HHLA2: variants seen among roughly 807,000 people sequenced by gnomAD.
The protein encoded by HHLA2 is HHLA2 member of B7 family.
HHLA2 carries 48 observed loss-of-function variants against 45.9 expected under a neutral mutation model. That is an observed-to-expected ratio of 1.05 (90% CI 0.83 to 1.33). The LOEUF (loss-of-function observed/expected upper bound fraction) is 1.33, where lower values mean the gene tolerates loss of function less well. Among genes scored for constraint, HHLA2 ranks in the 40% most tolerant of loss-of-function variants. HHLA2 has a pLI of 0.00. For missense variants in HHLA2, 462 were observed against 494.3 expected (o/e 0.93, Z 0.62); for synonymous variants, 161 against 173.9 (o/e 0.93, Z 0.59).
intron 2 of HHLA2, chr3:108,328,152 T>C: frequency 2.0e-6 from 1 of 512,780 alleles, no homozygotes. Context: ...AAAAAAGTTG[T>C]AGAAGTAATT....
chr3:108,340,730 T>C (rs2081550204), intron 3 of HHLA2, among the ~76,000 whole-genome samples: 1 of 152,182 alleles, frequency 6.6e-6, no homozygotes. Context: ...AATTCATTTT[T>C]CCTACAAATA....
At chr3:108,347,163 G>A (rs62266216) in intron 3 of HHLA2, among the ~76,000 whole-genome samples, 10,636 of 152,124 alleles carry the variant, frequency 0.07, 439 homozygotes, top group African/African-American at 0.11. Context: ...ATAAAACCTA[G>A]GCATAAAAAT....
At chr3:108,354,688 G>A (rs767779234) in intron 5 of HHLA2, among the ~76,000 whole-genome samples, 13 of 151,912 alleles carry the variant, frequency 8.6e-5, no homozygotes, top group Non-Finnish European at 1.9e-4. Flanking sequence ...GTCCCTTTTA[G>A]CTGCTTCAGA....
intron 2 of HHLA2, among the ~76,000 whole-genome samples, chr3:108,317,721 C>T (rs1426101624): frequency 5.3e-5 from 8 of 151,268 alleles, no homozygotes; most frequent in South Asian, 4.2e-4. Context: ...ATCACAGGCA[C>T]GCACCACCAC....
chr3:108,375,637 G>A, intron 8 of HHLA2, 113 bp from the exon 8 acceptor site: 1 of 1,338,368 alleles, frequency 7.5e-7, no homozygotes, highest in East Asian at 2.8e-5. Flanking sequence ...ACCCTTCAAA[G>A]AACCAGAGAG....
At chr3:108,350,124 ATCATTGTGATATCCTTTTATATAT>A (rs2081750656) in intron 3 of HHLA2, among the ~76,000 whole-genome samples, 1 of 152,218 alleles carries the variant, frequency 6.6e-6, no homozygotes, top group Non-Finnish European at 1.5e-5. Flanking sequence ...TTCCAAAATA[ATCATTGTGATATCCTTTTATATAT>A]TATACATGCA....
At chr3:108,353,429 A>T (rs1390637682) in exon 5 of HHLA2, 1 of 1,557,432 alleles carries the variant, frequency 6.4e-7, no homozygotes, top group Non-Finnish European at 8.7e-7. Context: ...GACTGTAGGC[A>T]TATTCCCTTT....
chr3:108,346,622 A>G (rs943305506), intron 3 of HHLA2, among the ~76,000 whole-genome samples: 19 of 152,356 alleles, frequency 1.2e-4, no homozygotes, highest in African/African-American at 4.6e-4. Context: ...GGTCAGATTG[A>G]GACCAGCAGT....
At position 108,376,734 on chromosome 3, in the gene HHLA2, T is replaced by C. The variant is rs567703321; in HGVS notation, c.1224+177T>C. 7.5e-5 allele frequency: 39 copies of C among 522,942 alleles called. No homozygotes were observed. The South Asian group carries it at 7.6e-4, about 10-fold the overall frequency. The allele number at this position is 522,942 out of a possible 1,614,324, so 32.4% of individuals were successfully genotyped here. ...AAATATAATTAGGCTTTTCCCAATG[T>C]CTATAATTAAACAGGCTCTACTTGC... On this transcript the variant is annotated intron_variant, in intron 10 of 10. Coordinates refer to ENST00000619531, the Ensembl canonical transcript of HHLA2.
chr3:108,376,721 G>T, intron 10 of HHLA2, 164 bp downstream of exon 9: 1 of 540,866 alleles, frequency 1.8e-6, no homozygotes, highest in Non-Finnish European at 3.2e-6. Flanking sequence ...ATATAATTAG[G>T]CTTTTCCCAA....
intron 1 of HHLA2, among the ~76,000 whole-genome samples, 191 bp downstream of exon 1, chr3:108,296,790 G>T (rs1483643601): frequency 6.6e-6 from 1 of 152,206 alleles, no homozygotes; most frequent in African/African-American, 2.4e-5. Flanking sequence ...GTAAAAGGTT[G>T]TCTTGAAGGA....
exon 10 of HHLA2, chr3:108,376,525 C>T (rs761430147): frequency 6.2e-7 from 1 of 1,612,296 alleles, no homozygotes; most frequent in Non-Finnish European, 8.5e-7. Context: ...TGAGCGCTGT[C>T]CCAGTGCACC....
chr3:108,343,228 C>G (rs9811087), intron 3 of HHLA2, among the ~76,000 whole-genome samples: 102,243 of 152,034 alleles, frequency 0.67, 35,232 homozygotes, highest in African/African-American at 0.76. Flanking sequence ...CTCTAACTTA[C>G]GTATGGATTA....
intron 8 of HHLA2, among the ~76,000 whole-genome samples, chr3:108,367,062 T>C (rs948567764): frequency 6.6e-5 from 10 of 151,918 alleles, no homozygotes; most frequent in African/African-American, 1.2e-4. Flanking sequence ...CCCAGGCAAA[T>C]AGGAACTGGA....
chr3:108,307,746 C>T (rs934599654), intron 1 of HHLA2, among the ~76,000 whole-genome samples: 2 of 152,128 alleles, frequency 1.3e-5, no homozygotes, highest in African/African-American at 4.8e-5. Flanking sequence ...TACAATACTA[C>T]TAACTAAACT....
chr3:108,374,053 G>A (rs1183896921), intron 8 of HHLA2, among the ~76,000 whole-genome samples: 13 of 150,450 alleles, frequency 8.6e-5, no homozygotes, highest in African/African-American at 3.2e-4. Flanking sequence ...AAAGCTGGAG[G>A]CATCATGCTA....
At chr3:108,374,905 T>G (rs1276450575) in intron 8 of HHLA2, among the ~76,000 whole-genome samples, 1 of 148,534 alleles carries the variant, frequency 6.7e-6, no homozygotes. Flanking sequence ...GTTCAACCAT[T>G]GTGGAAGTCA....
At chr3:108,322,061 C>CT (rs2081212437) in intron 2 of HHLA2, among the ~76,000 whole-genome samples, 1 of 152,054 alleles carries the variant, frequency 6.6e-6, no homozygotes, top group South Asian at 2.1e-4. Flanking sequence ...TCCAGGATGT[C>CT]TTTTTGTAAG....
At chr3:108,325,748 C>A in intron 2 of HHLA2, 1 of 254,166 alleles carries the variant, frequency 3.9e-6, no homozygotes. Flanking sequence ...GCCACCATAT[C>A]TACGATCACC....
Sources: allele counts gnomAD v4.1 joint callset (sites outside exome capture counted in the v4.1 genomes callset), GRCh38; gene constraint gnomAD v4.1.1; transcripts MANE v1.5; gene names NCBI Gene and HGNC (gene_info 2026-07-23, HGNC 2026-07-21).